The following EYS variants were observed in gnomAD, a reference collection of about 807,000 sequenced individuals.
The protein encoded by EYS is protein eyes shut homolog.
A neutral mutation model predicts 282.1 loss-of-function variants in EYS; 250 were observed. The ratio of observed to expected loss-of-function variants is 0.89; its 90% confidence interval spans 0.80 to 0.98. The LOEUF is 0.98. Ranked by LOEUF, EYS falls within the 50% of genes least tolerant of loss-of-function variation. The pLI is 0.00. For missense variants in EYS, 4,016 were observed against 3,709.0 expected (o/e 1.08, Z -2.15); for synonymous variants, 1,355 against 1,282.9 (o/e 1.06, Z -1.20).
chr6:64,676,297 A>G (rs952803509), intron 22 of EYS, among the ~76,000 whole-genome samples: 2 of 146,364 alleles, frequency 1.4e-5, no homozygotes, highest in Non-Finnish European at 3.0e-5. Flanking sequence ...CAATATATCT[A>G]TATCTATATC....
chr6:64,590,250 G>C lies in EYS; in HGVS notation c.5617C>G (p.Leu1873Val), dbSNP rs16895517. Reference protein sequence around the residue: ...SLTLSSLESILAPQRLMISDF... With the variant: ...SLTLSSLESIVAPQRLMISDF... The stretch of plus-strand genomic sequence containing the variant: ...GAAATCATCAGCCGTTGAGGTGCCA[G>C]AATGGATTCCAGTGAAGACAAAGTA... The change falls in exon 26 of 43, where the codon CTG becomes GTG. Residue 1873 changes from leucine (L) to valine (V), a missense_variant. Coordinates refer to ENST00000503581, the MANE Select transcript of EYS (RefSeq NM_001142800.2). 0.13 allele frequency: 199,140 copies of C among 1,547,842 alleles called. 13,774 individuals are homozygous for C. The highest frequency in any genetic ancestry group is 0.15 in the East Asian group (6,018 of 40,856).
chr6:65,111,441 C>T (rs1312635096), intron 12 of EYS, among the ~76,000 whole-genome samples: 3 of 152,074 alleles, frequency 2.0e-5, no homozygotes, highest in East Asian at 3.9e-4. Context: ...TTTATTAATA[C>T]AATGTATGTT....
At chr6:64,741,945 G>A (rs555928509) in intron 22 of EYS, among the ~76,000 whole-genome samples, 2 of 152,176 alleles carry the variant, frequency 1.3e-5, no homozygotes, top group East Asian at 1.9e-4. Context: ...CTATTTACAC[G>A]TTCACTGGAG....
intron 22 of EYS, among the ~76,000 whole-genome samples, chr6:64,723,059 T>C (rs1425574942): frequency 6.7e-6 from 1 of 148,234 alleles, no homozygotes; most frequent in South Asian, 2.2e-4. Context: ...ATACTGAAGG[T>C]TTCAGAAGGG....
chr6:64,881,741 T>C (rs1476963527), intron 19 of EYS, among the ~76,000 whole-genome samples: 1 of 151,814 alleles, frequency 6.6e-6, no homozygotes, highest in Non-Finnish European at 1.5e-5. Context: ...TAAAATAAGA[T>C]ATTGGCTATT....
At chr6:63,792,425 A>C (rs866648812) in intron 37 of EYS, among the ~76,000 whole-genome samples, 68 of 152,062 alleles carry the variant, frequency 4.5e-4, no homozygotes, top group African/African-American at 1.6e-3. Context: ...ATTGTTCTAG[A>C]GTGTTTCCAA....
At chr6:64,841,210 A>G (rs377406142) in intron 19 of EYS, among the ~76,000 whole-genome samples, 1 of 152,272 alleles carries the variant, frequency 6.6e-6, no homozygotes, top group East Asian at 1.9e-4. Context: ...GATAAACACT[A>G]TGAAAGGCAG....
intron 32 of EYS, among the ~76,000 whole-genome samples, chr6:64,072,892 G>C (rs546699150): frequency 6.6e-6 from 1 of 152,016 alleles, no homozygotes; most frequent in Admixed American, 6.6e-5. Context: ...AAGCTGTTGT[G>C]CCATATGTAC....
intron 13 of EYS, among the ~76,000 whole-genome samples, chr6:65,033,172 G>A (rs1247467129): frequency 6.6e-6 from 1 of 152,140 alleles, no homozygotes; most frequent in African/African-American, 2.4e-5. Context: ...TAGCTCAGAT[G>A]TGGGAGAAAG....
chr6:64,057,218 CTT>C (rs1457422397), intron 33 of EYS, among the ~76,000 whole-genome samples: 1 of 152,092 alleles, frequency 6.6e-6, no homozygotes, highest in African/African-American at 2.4e-5. Flanking sequence ...TTAAATTACT[CTT>C]AACTGAATAG....
intron 26 of EYS, among the ~76,000 whole-genome samples, chr6:64,546,097 C>T (rs1764852903): frequency 6.6e-6 from 1 of 152,160 alleles, no homozygotes; most frequent in Non-Finnish European, 1.5e-5. Flanking sequence ...AAGCTGGAGG[C>T]ATCACGCTAC....
At chr6:63,852,503 C>A (rs1772285017) in intron 36 of EYS, among the ~76,000 whole-genome samples, 1 of 151,898 alleles carries the variant, frequency 6.6e-6, no homozygotes. Context: ...GCCTACCAAC[C>A]AAAAAAAGCC....
intron 22 of EYS, among the ~76,000 whole-genome samples, chr6:64,737,317 C>T (rs9294591): frequency 0.98 from 149,352 of 152,302 alleles, 73,265 homozygotes; most frequent in Non-Finnish European, 1. Context: ...TAACTGTATG[C>T]TCTACTTTAG....
chr6:63,909,764 T>A (rs1231308337), intron 35 of EYS, among the ~76,000 whole-genome samples: 2 of 152,200 alleles, frequency 1.3e-5, no homozygotes, highest in African/African-American at 4.8e-5. Context: ...TTCTGGTGTC[T>A]GAGCCACCCC....
chr6:65,446,995 T>C (rs1184908795), intron 5 of EYS, among the ~76,000 whole-genome samples: 1 of 151,684 alleles, frequency 6.6e-6, no homozygotes, highest in Non-Finnish European at 1.5e-5. Flanking sequence ...ACAGACATCG[T>C]CTTAGATGAT....
chr6:64,032,857 C>G (rs1384989451), intron 33 of EYS, among the ~76,000 whole-genome samples: 1 of 152,232 alleles, frequency 6.6e-6, no homozygotes, highest in Admixed American at 6.5e-5. Context: ...AATTTGTTCA[C>G]AAATCCAGAC....
intron 12 of EYS, among the ~76,000 whole-genome samples, chr6:65,125,822 C>T (rs1775702355): frequency 6.6e-6 from 1 of 152,082 alleles, no homozygotes; most frequent in Admixed American, 6.6e-5. Context: ...TGCTTTTAGG[C>T]CAATTTAGGA....
At chr6:65,090,796 T>C (rs1774536114) in intron 12 of EYS, among the ~76,000 whole-genome samples, 1 of 152,000 alleles carries the variant, frequency 6.6e-6, no homozygotes, top group Non-Finnish European at 1.5e-5. Flanking sequence ...GACAAAGTAA[T>C]TGACAAAGTA....
At chr6:65,166,321 G>C (rs1764970513) in intron 12 of EYS, among the ~76,000 whole-genome samples, 1 of 151,024 alleles carries the variant, frequency 6.6e-6, no homozygotes, top group African/African-American at 2.4e-5. Context: ...CTTGCACTTT[G>C]TATTTTTAAA....
Sources: gnomAD v4.1 joint callset for allele counts (sites outside exome capture counted in the v4.1 genomes callset) on GRCh38, gnomAD v4.1.1 for gene constraint, MANE v1.5 for transcripts, NCBI Gene and HGNC (gene_info 2026-07-23, HGNC 2026-07-21) for gene names.